Variants in ZNF765 observed in about 807,000 individuals in gnomAD.
ZNF765 encodes zinc finger protein 765.
ZNF765 carries 37 observed loss-of-function variants against 44.7 expected under a neutral mutation model. The ratio of observed to expected loss-of-function variants is 0.83; its 90% confidence interval spans 0.64 to 1.09. ZNF765 has a LOEUF of 1.09. Among genes scored for constraint, ZNF765 ranks in the 50% least tolerant of loss-of-function variants. ZNF765 has a pLI of 0.00. For synonymous variants in ZNF765, 201 were observed against 213.7 expected (o/e 0.94, Z 0.52); for missense variants, 594 against 626.1 (o/e 0.95, Z 0.55).
In ZNF765 at chr19:53,408,584, A is replaced by G; in HGVS notation, c.1029A>G (p.Thr343=). 3 of 1,613,820 alleles carry G rather than the reference A, an allele frequency of 1.9e-6. No homozygotes were observed. The highest frequency in any genetic ancestry group is 2.5e-6 in the Non-Finnish European group (3 of 1,179,862). ...GKTFSQKSYL[T]CHRRLHTGEK... is the part of the protein sequence containing the mutation. ...CCTTTAGTCAGAAGTCGTACCTTAC[A>G]TGCCATCGTAGGCTTCATACTGGAG... Residue 343 remains threonine, a synonymous_variant, in exon 4 of 4, where the codon ACA becomes ACG. Coordinates refer to ENST00000396408, the MANE Select transcript of ZNF765 (RefSeq NM_001040185.3).
chr19:53,406,681 G>A (rs1442206387), intron 3 of ZNF765, among the ~76,000 whole-genome samples: 1 of 152,218 alleles, frequency 6.6e-6, no homozygotes, highest in African/African-American at 2.4e-5. Context: ...TTGGGAGGCT[G>A]AGGTGGCTGG....
chr19:53,396,070 G>A (rs1317611465), intron 1 of ZNF765, among the ~76,000 whole-genome samples: 1 of 151,964 alleles, frequency 6.6e-6, no homozygotes, highest in African/African-American at 2.4e-5. Context: ...AGAGATGAAG[G>A]ACAGAGAGCA....
Position 53,410,210 on chromosome 19 carries a change from C to A in ZNF765, c.*1083C>A. The A allele has an allele frequency of 2.7e-6, 1 of 366,918 alleles. No homozygotes were observed. Among genetic ancestry groups the A allele is most frequent in the Non-Finnish European group, 5.6e-6 (1 of 179,716 alleles). 22.7% of individuals were successfully genotyped at this position (366,918 alleles called of 1,614,324 possible). A position where few individuals can be genotyped will look rare whatever the true frequency, so the allele number is the denominator to read the frequency against. ...CGTGGCAAGGTTTTAAATCAAAAAG[C>A]AAAGCTTGCACATCATCATAGAATT... On this transcript the variant is annotated 3_prime_UTR_variant, in exon 4 of 4. Coordinates refer to ENST00000396408, the MANE Select transcript of ZNF765 (RefSeq NM_001040185.3).
At chr19:53,412,987 G>C (rs1759966286), downstream of ZNF765, among the ~76,000 whole-genome samples, 1 of 152,154 alleles carries the variant, frequency 6.6e-6, no homozygotes, top group Non-Finnish European at 1.5e-5. Context: ...GCAGATGCCA[G>C]TAATCCCAGT....
At chr19:53,419,799 C>T (rs1020468064) in intron 3 of ZNF765, among the ~76,000 whole-genome samples, 3 of 151,564 alleles carry the variant, frequency 2.0e-5, no homozygotes, top group Admixed American at 6.6e-5. Context: ...GGGTGGATCA[C>T]CTGAGGTCAG....
Position 53,409,831 on chromosome 19 carries a change from G to A in ZNF765, c.*704G>A, listed in dbSNP as rs1350292341. 1.6e-5 allele frequency: 11 copies of A among 690,992 alleles called. No homozygotes were observed. Among genetic ancestry groups the A allele is most frequent in the African/African-American group, 1.4e-4 (8 of 56,658 alleles). The allele number at this position is 690,992 out of a possible 1,614,324, so 42.8% of individuals were successfully genotyped here. A position where few individuals can be genotyped will look rare whatever the true frequency, so the allele number is the denominator to read the frequency against. On this transcript the variant is annotated 3_prime_UTR_variant, in exon 4 of 4. Transcript: ENST00000396408. Reference sequence around the variant, plus strand: ...CCTTTAGTCTGAAGTCATACCTTACGCACCATCGTAGACTTCATACTGGAG... The same window carrying A: ...CCTTTAGTCTGAAGTCATACCTTACACACCATCGTAGACTTCATACTGGAG...
rs1433530836 is a variant in ZNF765 at position 53,407,486 on chromosome 19, G to A, written c.143-212G>A. Among the ~76,000 whole-genome samples the A allele has an allele frequency of 1.1e-4, 17 of 152,086 alleles. No homozygotes were observed. The South Asian group carries it at 1.2e-3, about 11-fold the overall frequency. ...TTGTGCCCTGTCAGTGTTTTGTCAC[G>A]ATATTGGAAATAGACTTCCGTAAAA... On this transcript the variant is annotated intron_variant, in intron 3 of 3. Coordinates refer to ENST00000396408, the MANE Select transcript of ZNF765 (RefSeq NM_001040185.3).
rs1296449127 is a variant in ZNF765 at position 53,410,579 on chromosome 19, G to A, written c.*1452G>A. On this transcript the variant is annotated 3_prime_UTR_variant, in exon 4 of 4. Coordinates refer to ENST00000396408, the MANE Select transcript of ZNF765 (RefSeq NM_001040185.3). ...TACCATCAGGCAATCCATGGTGTAG[G>A]GAAACTTTACTTATGTAATGATTGT... 4 of 444,098 alleles carry A rather than the reference G, an allele frequency of 9.0e-6. No individual in the cohort carries two copies. Among genetic ancestry groups the A allele is most frequent in the Non-Finnish European group, 1.8e-5 (4 of 221,728 alleles). The allele number at this position is 444,098 out of a possible 1,614,324, so 27.5% of individuals were successfully genotyped here. A position where few individuals can be genotyped will look rare whatever the true frequency, so the allele number is the denominator to read the frequency against.
rs539523875 is a variant in ZNF765, at chr19:53,400,284, T to C, written c.16-1781T>C. On this transcript the variant is annotated intron_variant, in intron 2 of 3. Coordinates refer to ENST00000396408, the MANE Select transcript of ZNF765 (RefSeq NM_001040185.3). Reference sequence around the variant, plus strand: ...TTAGTAAACGTGGATAGCTTGCTCTTTGACATCTGCATTGGAAATTGGCTG... The same window carrying C: ...TTAGTAAACGTGGATAGCTTGCTCTCTGACATCTGCATTGGAAATTGGCTG... Among the ~76,000 whole-genome samples the C allele has an allele frequency of 3.5e-4, 54 of 152,310 alleles. 1 individual carries two copies. The South Asian group carries it at 0.01, about 29-fold the overall frequency.
rs1314239061 is a variant in ZNF765, at chr19:53,409,725, T to G, written c.*598T>G. ...AAATGTAATGAGTGTGGCAAGACCT[T>G]TAGTCAGAACTCATACCTTACATGC... is the stretch of plus-strand genomic sequence containing the variant. On this transcript the variant is annotated 3_prime_UTR_variant, in exon 4 of 4. Transcript: ENST00000396408. 7.1e-6 allele frequency: 7 copies of G among 989,606 alleles called. No homozygotes were observed. Among genetic ancestry groups the G allele is most frequent in the Non-Finnish European group, 9.6e-6 (6 of 622,110 alleles). The allele number at this position is 989,606 out of a possible 1,614,324, so 61.3% of individuals were successfully genotyped here. A position where few individuals can be genotyped will look rare whatever the true frequency, so the allele number is the denominator to read the frequency against.
At chr19:53,422,181 A>C (rs1485119923) in intron 3 of ZNF765, among the ~76,000 whole-genome samples, 1 of 152,246 alleles carries the variant, frequency 6.6e-6, no homozygotes, top group Non-Finnish European at 1.5e-5. Flanking sequence ...AAATATAAAG[A>C]CCAGGTATAA....
intron 3 of ZNF765, among the ~76,000 whole-genome samples, chr19:53,419,222 C>A (rs1053039006): frequency 6.6e-6 from 1 of 152,128 alleles, no homozygotes; most frequent in Admixed American, 6.5e-5. Context: ...GCCTACTTTA[C>A]ACAAATCATA....
At chr19:53,406,041 T>G (rs2085772610) in intron 3 of ZNF765, among the ~76,000 whole-genome samples, 1 of 91,446 alleles carries the variant, frequency 1.1e-5, no homozygotes, top group South Asian at 3.5e-4. Context: ...TTTTTTTTTT[T>G]TTTTTGGAGA....
downstream of ZNF765, among the ~76,000 whole-genome samples, chr19:53,413,883 G>C (rs1478331837): frequency 8.7e-6 from 1 of 115,286 alleles, no homozygotes; most frequent in African/African-American, 3.3e-5. Context: ...AACTGCAGCA[G>C]ACAAACCTGC....
rs117126954 is a variant in ZNF765, at chr19:53,395,742, T to G, written c.-74+549T>G. Among the ~76,000 whole-genome samples the G allele has an allele frequency of 2.0e-4, 30 of 152,316 alleles. 1 individual carries two copies. In the East Asian group the frequency reaches 5.4e-3, roughly 27 times the overall value. The stretch of plus-strand genomic sequence containing the variant: ...CCGAGTTAGGGAGGTGCCCGGGGCC[T>G]GTCCTGTGACACGGGGTGTTCTTGC... On this transcript the variant is annotated intron_variant, in intron 1 of 3. Transcript: ENST00000396408.
chr19:53,412,144 A>G, downstream of ZNF765: 1 of 331,200 alleles, frequency 3.0e-6, no homozygotes, highest in Non-Finnish European at 5.8e-6. Flanking sequence ...TCCCTACTTG[A>G]TTATTCACTC....
chr19:53,418,437 C>T (rs1454018011), intron 3 of ZNF765, among the ~76,000 whole-genome samples: 2 of 152,162 alleles, frequency 1.3e-5, no homozygotes, highest in Non-Finnish European at 2.9e-5. Flanking sequence ...GGTGAGTACA[C>T]AGAACCACAA....
rs1421152812 is a variant in ZNF765 at position 53,410,350 on chromosome 19, A to G, written c.*1223A>G. ...GAGAGAAAGCTTACATATGTGAAGA[A>G]TGTCACCAAGTTTTCAGTCACACTC... On this transcript the variant is annotated 3_prime_UTR_variant, in exon 4 of 4. Coordinates refer to ENST00000396408, the MANE Select transcript of ZNF765 (RefSeq NM_001040185.3). The G allele has an allele frequency of 5.9e-6, 2 of 339,962 alleles. No individual in the cohort carries two copies. The highest frequency in any genetic ancestry group is 1.2e-5 in the Non-Finnish European group (2 of 168,212). The allele number at this position is 339,962 out of a possible 1,614,324, so 21.1% of individuals were successfully genotyped here.
At chr19:53,412,470 A>G (rs186649826), downstream of ZNF765, among the ~76,000 whole-genome samples, 1 of 152,324 alleles carries the variant, frequency 6.6e-6, no homozygotes, top group East Asian at 1.9e-4. Context: ...ATATTATGAG[A>G]AAATTGTGCA....
Sources: allele counts gnomAD v4.1 joint callset (sites outside exome capture counted in the v4.1 genomes callset), GRCh38; gene constraint gnomAD v4.1.1; transcripts MANE v1.5; gene names NCBI Gene and HGNC (gene_info 2026-07-23, HGNC 2026-07-21).